ALDH9A1: variants seen among roughly 807,000 people sequenced by gnomAD.
ALDH9A1 encodes aldehyde dehydrogenase 9 family member A1, also known as 4-trimethylaminobutyraldehyde dehydrogenase.
Under a neutral mutation model 56.6 loss-of-function variants are expected in ALDH9A1, and 42 were observed. That is an observed-to-expected ratio of 0.74 (90% CI 0.58 to 0.96). The LOEUF (loss-of-function observed/expected upper bound fraction) is 0.96. Among genes scored for constraint, ALDH9A1 ranks in the 40% least tolerant of loss-of-function variants. The probability of loss-of-function intolerance (pLI) is 0.00; values close to 1 mark genes in which losing one functional copy is unlikely to be tolerated. For missense variants in ALDH9A1, 661 were observed against 651.5 expected, an observed-to-expected ratio of 1.01 and a Z score of -0.16; for synonymous variants, 242 against 236.0, an observed-to-expected ratio of 1.03 and a Z score of -0.23.
intron 2 of ALDH9A1, among the ~76,000 whole-genome samples, chr1:165,694,919 G>C (rs1030420478): frequency 1.3e-5 from 2 of 149,534 alleles, no homozygotes; most frequent in Non-Finnish European, 3.0e-5. Context: ...TCACTCCACT[G>C]CACTCCAGCC....
chr1:165,695,006 G>A (rs1434188829), intron 2 of ALDH9A1, among the ~76,000 whole-genome samples: 1 of 151,768 alleles, frequency 6.6e-6, no homozygotes, highest in South Asian at 2.1e-4. Context: ...TATAAAGAGT[G>A]CATTATAATT....
At chr1:165,696,482 G>T (rs143458461) in intron 1 of ALDH9A1, among the ~76,000 whole-genome samples, 123 of 152,186 alleles carry the variant, frequency 8.1e-4, no homozygotes, top group African/African-American at 2.9e-3. Context: ...TTCTATGTAG[G>T]TTATATCATA....
intron 2 of ALDH9A1, among the ~76,000 whole-genome samples, chr1:165,694,955 CA>C (rs538042607): frequency 0.31 from 33,070 of 106,512 alleles, 3,617 homozygotes; most frequent in Middle Eastern, 0.44. Context: ...GATTCCGTCT[CA>C]AAAAAAAAAA....
At chr1:165,690,096 G>A (rs1287098966) in intron 2 of ALDH9A1, among the ~76,000 whole-genome samples, 1 of 144,462 alleles carries the variant, frequency 6.9e-6, no homozygotes, top group African/African-American at 2.5e-5. Flanking sequence ...ACATAATTGT[G>A]TAATTTACAA....
intron 2 of ALDH9A1, among the ~76,000 whole-genome samples, chr1:165,687,356 T>C (rs1005970105): frequency 6.7e-6 from 1 of 149,074 alleles, no homozygotes; most frequent in Non-Finnish European, 1.5e-5. Flanking sequence ...AATTTACAGA[T>C]CCAAGAAGAT....
chr1:165,677,714 C>G (rs1649408547), intron 6 of ALDH9A1, among the ~76,000 whole-genome samples: 1 of 151,956 alleles, frequency 6.6e-6, no homozygotes, highest in African/African-American at 2.4e-5. Context: ...AAAAATTAGC[C>G]AGGCGTGGTG....
In ALDH9A1 at chr1:165,680,669, A is replaced by G; in HGVS notation, c.607T>C (p.Phe203Leu). Residue 203 changes from phenylalanine to leucine, a missense_variant, in exon 5 of 11, where the codon TTT (phenylalanine) becomes CTT (leucine). Coordinates refer to ENST00000354775, the MANE Select transcript of ALDH9A1 (RefSeq NM_000696.4). ...ACAGGTGTAAAGGGAGAAGGTTTAAAGACCATGGCATTACCTGCATAAACC... is the reference window on the plus strand; with the variant it reads ...ACAGGTGTAAAGGGAGAAGGTTTAAGGACCATGGCATTACCTGCATAAACC... ...PALACGNAMV[F>L]KPSPFTPVSA... 6.2e-7 allele frequency: 1 copy of G among 1,610,280 alleles called. No homozygotes were observed. The highest frequency in any genetic ancestry group is 2.2e-5 in the East Asian group (1 of 44,832).
intron 9 of ALDH9A1, among the ~76,000 whole-genome samples, chr1:165,665,703 A>C (rs1467649319): frequency 6.6e-6 from 1 of 152,198 alleles, no homozygotes; most frequent in African/African-American, 2.4e-5. Context: ...AAAAACCACA[A>C]TGAGATACTA....
chr1:165,677,619 G>A (rs1649403941), intron 6 of ALDH9A1, among the ~76,000 whole-genome samples: 1 of 152,132 alleles, frequency 6.6e-6, no homozygotes, highest in Non-Finnish European at 1.5e-5. Context: ...AGCACTTTGG[G>A]AGGCCAAGGC....
At chr1:165,678,943 T>C (rs928244383) in intron 6 of ALDH9A1, among the ~76,000 whole-genome samples, 2 of 152,176 alleles carry the variant, frequency 1.3e-5, no homozygotes, top group Admixed American at 6.5e-5. Context: ...CTAAAGGCAA[T>C]GCATCATCCT....
chr1:165,680,440 C>T, intron 5 of ALDH9A1, 47 bp downstream of exon 5: 1 of 1,591,124 alleles, frequency 6.3e-7, no homozygotes, highest in South Asian at 1.1e-5. Flanking sequence ...CCGGATTTGC[C>T]ACATCCAAAT....
chr1:165,667,500 A>G lies in ALDH9A1; in HGVS notation c.1208-50T>C, dbSNP rs140775235. ...CTGAGCAGCTGGGACCACAGTGTGC[A>G]CCACCACCCCCAGCTAATTTTTTGA... On this transcript the variant is annotated intron_variant, in intron 8 of 10. Transcript: ENST00000354775. The G allele has an allele frequency of 2.7e-4, 435 of 1,595,954 alleles. 3 individuals are homozygous for G. In the African/African-American group the frequency reaches 5.2e-3, roughly 19 times the overall value.
chr1:165,662,895 C>G lies in ALDH9A1; in HGVS notation c.*155G>C, dbSNP rs764286696. ...TTAATGCACATTTTCAGTGAGGAAGCTGATGGAGAGAGAAAGAGTAACATG... is the reference window on the plus strand; with the variant it reads ...TTAATGCACATTTTCAGTGAGGAAGGTGATGGAGAGAGAAAGAGTAACATG... On this transcript the variant is annotated 3_prime_UTR_variant, in exon 11 of 11. Coordinates refer to ENST00000354775, the MANE Select transcript of ALDH9A1 (RefSeq NM_000696.4). 5 of 635,916 alleles carry G rather than the reference C, an allele frequency of 7.9e-6. No individual in the cohort carries two copies. The highest frequency in any genetic ancestry group is 1.4e-5 in the Non-Finnish European group (5 of 356,686). 39.4% of individuals were successfully genotyped at this position (635,916 alleles called of 1,614,324 possible). A position where few individuals can be genotyped will look rare whatever the true frequency, so the allele number is the denominator to read the frequency against.
intron 6 of ALDH9A1, among the ~76,000 whole-genome samples, chr1:165,670,363 G>A (rs542489634): frequency 4.6e-5 from 7 of 151,946 alleles, no homozygotes; most frequent in African/African-American, 1.4e-4. Flanking sequence ...AGCCTAAGAG[G>A]TCAAGGATAC....
At chr1:165,674,272 G>A (rs1649272083) in intron 6 of ALDH9A1, among the ~76,000 whole-genome samples, 1 of 128,678 alleles carries the variant, frequency 7.8e-6, no homozygotes, top group Non-Finnish European at 1.6e-5. Context: ...CTATGGAGTA[G>A]GCATTCTTTA....
chr1:165,698,374 T>A lies in ALDH9A1; in HGVS notation c.181+4A>T. The A allele has an allele frequency of 6.3e-7, 1 of 1,589,536 alleles. No homozygotes were observed. The highest frequency in any genetic ancestry group is 8.5e-7 in the Non-Finnish European group (1 of 1,170,090). Reference sequence around the variant, plus strand: ...CCCCAGCCTCCCCGGCTCGTTGCAGTTACCGGTTGCTGGCTCGAAAGCTTT... The same window carrying A: ...CCCCAGCCTCCCCGGCTCGTTGCAGATACCGGTTGCTGGCTCGAAAGCTTT... On this transcript the variant is annotated splice_donor_region_variant and intron_variant, in intron 1 of 10. Transcript: ENST00000354775.
chr1:165,692,759 C>T (rs1649936467), intron 2 of ALDH9A1, among the ~76,000 whole-genome samples: 2 of 151,402 alleles, frequency 1.3e-5, no homozygotes, highest in Admixed American at 1.3e-4. Context: ...ATTGCCAAGA[C>T]AATCCTAAGC....
chr1:165,694,836 GTCCCAGCTACTTGGGAAGC>G (rs1650014099), intron 2 of ALDH9A1, among the ~76,000 whole-genome samples: 1 of 151,844 alleles, frequency 6.6e-6, no homozygotes, highest in Non-Finnish European at 1.5e-5. Flanking sequence ...CACACCTGTA[GTCCCAGCTACTTGGGAAGC>G]TGAGGCAGGA....
intron 2 of ALDH9A1, among the ~76,000 whole-genome samples, chr1:165,691,468 G>A (rs1318769507): frequency 1.4e-4 from 21 of 152,316 alleles, no homozygotes; most frequent in Non-Finnish European, 1.5e-5. Flanking sequence ...CAAAACCAGA[G>A]TGCCTCTTCT....
Sources: gnomAD v4.1 joint callset for allele counts (sites outside exome capture counted in the v4.1 genomes callset) on GRCh38, gnomAD v4.1.1 for gene constraint, MANE v1.5 for transcripts, NCBI Gene and HGNC (gene_info 2026-07-23, HGNC 2026-07-21) for gene names.